PAPSS2: variants seen among roughly 807,000 people sequenced by gnomAD.
The protein encoded by PAPSS2 is bifunctional 3'-phosphoadenosine 5'-phosphosulfate synthase 2.
PAPSS2 carries 61 observed loss-of-function variants against 66.5 expected under a neutral mutation model. The ratio of observed to expected loss-of-function variants is 0.92; its 90% CI spans 0.75 to 1.14. The LOEUF (loss-of-function observed/expected upper bound fraction) is 1.14. PAPSS2 is among the 50% of genes most tolerant of loss of function. The probability of loss-of-function intolerance (pLI) is 0.00; values close to 1 mark genes in which losing one functional copy is unlikely to be tolerated. For missense variants in PAPSS2, 708 were observed against 789.6 expected, an observed-to-expected ratio of 0.90 and a Z score of 1.24; for synonymous variants, 289 against 287.5, an observed-to-expected ratio of 1.01 and a Z score of -0.05.
intron 1 of PAPSS2, among the ~76,000 whole-genome samples, chr10:87,672,301 CTG>C (rs1355745259): frequency 2.0e-5 from 3 of 152,144 alleles, no homozygotes; most frequent in African/African-American, 7.2e-5. Flanking sequence ...ACCAAGTTAA[CTG>C]TGTGCTGTGA....
At position 87,713,093 on chromosome 10, in the gene PAPSS2, AAAC is replaced by A. The variant is rs1853482533; in HGVS notation, c.168_170del (p.Thr57del). ...TGAACAGGTCTCTCTGGTGCTGGAA[AAAC>A]AACGATAAGTTTTGCCCTGGAGGAG... On this transcript the variant is annotated inframe_deletion, in exon 3 of 13. Transcript: ENST00000456849. The A allele has an allele frequency of 6.2e-7, 1 of 1,612,184 alleles. No homozygotes were observed. Among genetic ancestry groups the A allele is most frequent in the South Asian group, 1.1e-5 (1 of 91,032 alleles).
In PAPSS2 at chr10:87,709,211, T is replaced by C; in HGVS notation, c.43T>C (p.Ser15Pro). Residue 15 changes from serine to proline, a missense_variant, in exon 2 of 13, where the codon TCC (serine) becomes CCC (proline). By Grantham distance (74) the Ser-to-Pro change is moderately conservative. Transcript: ENST00000456849. ...KKQKTENQQKSTNVVYQAHHV... is the reference protein window; with the variant it reads ...KKQKTENQQKPTNVVYQAHHV... ...TATTTTATAGGAGAACCAGCAGAAA[T>C]CCACCAATGTAGTCTATCAGGCCCA... is the stretch of plus-strand genomic sequence containing the variant. 1 of 1,612,188 alleles carries C rather than the reference T, an allele frequency of 6.2e-7. No individual in the cohort carries two copies.
chr10:87,708,265 A>G (rs1280696013), intron 1 of PAPSS2, among the ~76,000 whole-genome samples: 3 of 152,232 alleles, frequency 2.0e-5, no homozygotes, highest in East Asian at 1.9e-4. Context: ...TTAGCTTCCA[A>G]ACCTAATAAC....
At chr10:87,701,503 C>T (rs944995985) in intron 1 of PAPSS2, among the ~76,000 whole-genome samples, 1 of 151,034 alleles carries the variant, frequency 6.6e-6, no homozygotes, top group African/African-American at 2.4e-5. Flanking sequence ...CTCACTGCAC[C>T]CTTGACCTCC....
intron 1 of PAPSS2, among the ~76,000 whole-genome samples, chr10:87,700,186 G>C (rs1226633122): frequency 6.6e-6 from 1 of 152,068 alleles, no homozygotes; most frequent in Non-Finnish European, 1.5e-5. Flanking sequence ...ATATTGCTAT[G>C]AACATCCTTG....
intron 2 of PAPSS2, 111 bp from the exon 3 acceptor site, chr10:87,712,964 C>CTT (rs112298562): frequency 3.7e-4 from 226 of 615,356 alleles, no homozygotes; most frequent in African/African-American, 1.4e-3. Flanking sequence ...TTCTTTCTTT[C>CTT]TTTTTTTTTT....
At position 87,746,123 on chromosome 10, in the gene PAPSS2, A is replaced by T. The variant is rs1853936825; in HGVS notation, c.*153A>T. 1.5e-5 allele frequency: 9 copies of T among 585,674 alleles called. No individual in the cohort carries two copies. Among genetic ancestry groups the T allele is most frequent in the South Asian group, 1.5e-4 (7 of 46,018 alleles). 36.3% of individuals were successfully genotyped at this position (585,674 alleles called of 1,614,324 possible). A position where few individuals can be genotyped will look rare whatever the true frequency, so the allele number is the denominator to read the frequency against. On this transcript the variant is annotated 3_prime_UTR_variant, in exon 13 of 13. Coordinates refer to ENST00000456849, the MANE Select transcript of PAPSS2 (RefSeq NM_001015880.2). ...TGTCTATAATTAAAAAAAAATATAT[A>T]TATATACACACACACATATACATAC...
intron 1 of PAPSS2, among the ~76,000 whole-genome samples, chr10:87,701,426 C>T (rs531116448): frequency 8.8e-5 from 11 of 125,606 alleles, no homozygotes; most frequent in African/African-American, 3.9e-4. Context: ...CTCTCTCTCT[C>T]TCTCTCTTTC....
intron 1 of PAPSS2, among the ~76,000 whole-genome samples, chr10:87,677,125 C>G (rs1257092193): frequency 6.6e-6 from 1 of 152,022 alleles, no homozygotes; most frequent in Non-Finnish European, 1.5e-5. Flanking sequence ...ACCCGGGAGG[C>G]AGAGGCTGCA....
chr10:87,730,722 A>G (rs899252677), intron 9 of PAPSS2, among the ~76,000 whole-genome samples: 1 of 152,166 alleles, frequency 6.6e-6, no homozygotes, highest in Non-Finnish European at 1.5e-5. Flanking sequence ...AGAAGGTTTG[A>G]GTGGTCTTGT....
chr10:87,714,072 A>G lies in PAPSS2; in HGVS notation c.410A>G (p.Glu137Gly). The G allele has an allele frequency of 6.2e-7, 1 of 1,613,950 alleles. No homozygotes were observed. The highest frequency in any genetic ancestry group is 1.1e-5 in the South Asian group (1 of 91,080). Reference protein sequence around the residue: ...KDRENARKIHESAGLPFFEIF... With the variant: ...KDRENARKIHGSAGLPFFEIF... The stretch of plus-strand genomic sequence containing the variant: ...CGTGAGAATGCCCGCAAAATACATG[A>G]ATCAGCAGGGCTGCCATTCTTTGAA... Residue 137 changes from glutamate (E) to glycine (G), a missense_variant, in exon 4 of 13, where the codon GAA becomes GGA. Glu to Gly is a moderately conservative substitution (Grantham distance 98, BLOSUM62 -2). Coordinates refer to ENST00000456849, the MANE Select transcript of PAPSS2 (RefSeq NM_001015880.2).
chr10:87,744,962 A>G, intron 11 of PAPSS2, 40 bp from the exon 12 acceptor site: 2 of 1,552,478 alleles, frequency 1.3e-6, no homozygotes, highest in Non-Finnish European at 1.8e-6. Flanking sequence ...TACAGATTTG[A>G]CCCACAATGA....
intron 1 of PAPSS2, among the ~76,000 whole-genome samples, chr10:87,686,976 T>C (rs530020304): frequency 6.6e-6 from 1 of 152,328 alleles, no homozygotes; most frequent in African/African-American, 2.4e-5. Context: ...AAATTTGAAC[T>C]TCAGACAAAC....
chr10:87,711,823 C>A (rs1262117456), intron 2 of PAPSS2, among the ~76,000 whole-genome samples: 1 of 151,968 alleles, frequency 6.6e-6, no homozygotes, highest in African/African-American at 2.4e-5. Context: ...CTCCTGTTGT[C>A]TTCTCTGTAT....
At chr10:87,742,390 T>C (rs888960251) in intron 10 of PAPSS2, among the ~76,000 whole-genome samples, 3 of 152,206 alleles carry the variant, frequency 2.0e-5, no homozygotes, top group African/African-American at 4.8e-5. Context: ...TGGCTACCTC[T>C]TGGGGATGGA....
intron 1 of PAPSS2, among the ~76,000 whole-genome samples, chr10:87,677,061 G>A (rs2131901243): frequency 6.6e-6 from 1 of 152,054 alleles, no homozygotes; most frequent in South Asian, 2.1e-4. Context: ...GGGCATGGCA[G>A]CACACTCCTG....
At chr10:87,691,500 A>T (rs1853171033) in intron 1 of PAPSS2, among the ~76,000 whole-genome samples, 1 of 152,020 alleles carries the variant, frequency 6.6e-6, no homozygotes, top group African/African-American at 2.4e-5. Context: ...AAAAAAAAAA[A>T]AGGCAACAAC....
chr10:87,709,428 T>C, intron 2 of PAPSS2, 115 bp downstream of exon 2: 1 of 662,012 alleles, frequency 1.5e-6, no homozygotes, highest in Non-Finnish European at 2.7e-6. Context: ...AGAAGGAGGC[T>C]GGGAGATGTA....
chr10:87,701,346 T>C (rs1379910982), intron 1 of PAPSS2, among the ~76,000 whole-genome samples: 2 of 102,724 alleles, frequency 1.9e-5, no homozygotes, highest in Non-Finnish European at 3.7e-5. Context: ...CTTTCTTTCT[T>C]TCTTTCTTTC....
Sources: allele counts gnomAD v4.1 joint callset (sites outside exome capture counted in the v4.1 genomes callset), GRCh38; gene constraint gnomAD v4.1.1; transcripts MANE v1.5; gene names NCBI Gene and HGNC (gene_info 2026-07-23, HGNC 2026-07-21).